SLC22A9: variants seen among roughly 807,000 people sequenced by gnomAD.
The protein encoded by SLC22A9 is solute carrier family 22 member 9, also known as organic anion transporter 7.
SLC22A9 carries 64 observed loss-of-function variants against 50.1 expected under a neutral mutation model. That is an observed-to-expected ratio of 1.28 (90% CI 1.04 to 1.57). The LOEUF (loss-of-function observed/expected upper bound fraction) is 1.57, where lower values mean the gene tolerates loss of function less well. SLC22A9 is among the 40% of genes most tolerant of loss of function. The probability of loss-of-function intolerance (pLI) is 0.00; values close to 1 mark genes in which losing one functional copy is unlikely to be tolerated. For synonymous variants in SLC22A9, 261 were observed against 242.5 expected (o/e 1.08, Z -0.71); for missense variants, 757 against 676.1 (o/e 1.12, Z -1.33).
At chr11:63,389,231 G>C (rs759871576) in intron 6 of SLC22A9, among the ~76,000 whole-genome samples, 10 of 151,636 alleles carry the variant, frequency 6.6e-5, no homozygotes, top group African/African-American at 9.7e-5. Context: ...TTGTTTCATA[G>C]GTATACATGT....
chr11:63,406,743 T>G, intron 7 of SLC22A9, 32 bp downstream of exon 7: 4 of 1,601,364 alleles, frequency 2.5e-6, no homozygotes, highest in Non-Finnish European at 3.4e-6. Flanking sequence ...AAGAGAGAAA[T>G]GCCTTTGCCT....
intron 6 of SLC22A9, among the ~76,000 whole-genome samples, chr11:63,389,417 C>T (rs951982016): frequency 4.0e-5 from 6 of 151,372 alleles, no homozygotes; most frequent in Admixed American, 1.3e-4. Context: ...CGCTTATGAG[C>T]GAGAACATGC....
chr11:63,371,267 T>C (rs564523), intron 2 of SLC22A9, 29 bp downstream of exon 2: 6 of 1,496,166 alleles, frequency 4.0e-6, no homozygotes, highest in Non-Finnish European at 4.6e-6. Flanking sequence ...CAGCTCTCTT[T>C]AAGGGCATTT....
chr11:63,388,281 C>G (rs1307023935), intron 6 of SLC22A9, among the ~76,000 whole-genome samples: 1 of 151,594 alleles, frequency 6.6e-6, no homozygotes, highest in Non-Finnish European at 1.5e-5. Context: ...TTTCTCCATT[C>G]TGTATGATAC....
Position 63,382,166 on chromosome 11 carries a change from A to G in SLC22A9, c.962A>G (p.Lys321Arg), listed in dbSNP as rs2014574641. The G allele has an allele frequency of 6.2e-7, 1 of 1,604,632 alleles. No homozygotes were observed. ...TTTCTGCTATTGTTGAAGATTTTGA[A>G]ATCCACCATGAAAAAAGAACTGGAG... is the stretch of plus-strand genomic sequence containing the variant. ...ARDTLTLEIL[K>R]STMKKELEAA... The change falls in exon 6 of 10, where the codon AAA becomes AGA. Residue 321 changes from lysine to arginine, a missense_variant. By Grantham distance (26) the Lys-to-Arg change is conservative. Transcript: ENST00000279178.
intron 6 of SLC22A9, among the ~76,000 whole-genome samples, chr11:63,394,653 A>T (rs1328727554): frequency 1.3e-5 from 2 of 152,132 alleles, no homozygotes; most frequent in East Asian, 3.9e-4. Context: ...CACAGCGCTT[A>T]AGCTTCTTTC....
chr11:63,374,092 T>C, intron 4 of SLC22A9, 30 bp downstream of exon 4: 1 of 1,576,386 alleles, frequency 6.3e-7, no homozygotes, highest in Non-Finnish European at 8.6e-7. Context: ...TTTGTCTTAA[T>C]GAGATATTGG....
chr11:63,407,829 G>A (rs1270654757), intron 7 of SLC22A9, among the ~76,000 whole-genome samples: 4 of 152,170 alleles, frequency 2.6e-5, no homozygotes, highest in Admixed American at 2.6e-4. Flanking sequence ...AAAACATTCA[G>A]CTCAACTTAC....
chr11:63,408,155 A>G lies in SLC22A9; in HGVS notation c.1332A>G (p.Gly444=). 1 of 1,613,750 alleles carries G rather than the reference A, an allele frequency of 6.2e-7. No homozygotes were observed. The highest frequency in any genetic ancestry group is 8.5e-7 in the Non-Finnish European group (1 of 1,179,798). Reference sequence around the variant, plus strand: ...AGGTTTTGGCAACACTGGGCTTAGGAGCGTCTGCTCTTGCCAATACCCTTG... The same window carrying G: ...AGGTTTTGGCAACACTGGGCTTAGGGGCGTCTGCTCTTGCCAATACCCTTG... ...LREVLATLGL[G]ASALANTLAF... is the part of the protein sequence containing the mutation. Residue 444 remains glycine (G), a synonymous_variant, in exon 8 of 10, where the codon GGA becomes GGG. Transcript: ENST00000279178.
At position 63,382,169 on chromosome 11, in the gene SLC22A9, C is replaced by G; in HGVS notation, c.965C>G (p.Ser322Cys). Reference protein sequence around the residue: ...RDTLTLEILKSTMKKELEAAQ... With the variant: ...RDTLTLEILKCTMKKELEAAQ... ...CTGCTATTGTTGAAGATTTTGAAAT[C>G]CACCATGAAAAAAGAACTGGAGGCA... is the stretch of plus-strand genomic sequence containing the variant. The change falls in exon 6 of 10, where the codon TCC (serine) becomes TGC (cysteine). Residue 322 changes from serine to cysteine, a missense_variant. Ser to Cys is a moderately radical substitution (Grantham distance 112, BLOSUM62 -1). Transcript: ENST00000279178. 1 of 1,604,400 alleles carries G rather than the reference C, an allele frequency of 6.2e-7. No individual in the cohort carries two copies. The highest frequency in any genetic ancestry group is 8.5e-7 in the Non-Finnish European group (1 of 1,177,008).
At chr11:63,377,570 AC>A (rs1291990376) in intron 5 of SLC22A9, among the ~76,000 whole-genome samples, 5 of 152,172 alleles carry the variant, frequency 3.3e-5, no homozygotes, top group Non-Finnish European at 5.9e-5. Context: ...TAAGAAGGAA[AC>A]TTATAGCACT....
chr11:63,372,260 A>G (rs939217073), intron 2 of SLC22A9, among the ~76,000 whole-genome samples: 1 of 152,166 alleles, frequency 6.6e-6, no homozygotes, highest in Non-Finnish European at 1.5e-5. Flanking sequence ...TATGCAGAGT[A>G]GGCTATGATC....
At chr11:63,383,701 A>C (rs499003) in intron 6 of SLC22A9, among the ~76,000 whole-genome samples, 93,127 of 151,992 alleles carry the variant, frequency 0.61, 28,707 homozygotes, top group Non-Finnish European at 0.64. Flanking sequence ...ATATGAATAA[A>C]GTGATAACAA....
chr11:63,382,016 T>C (rs538926391), intron 5 of SLC22A9, 143 bp from the exon 6 acceptor site: 4 of 620,146 alleles, frequency 6.5e-6, no homozygotes, highest in African/African-American at 1.8e-5. Context: ...TTTTTACACA[T>C]ATCATTGCAT....
chr11:63,372,337 A>G (rs949313241), intron 2 of SLC22A9, among the ~76,000 whole-genome samples: 1 of 152,110 alleles, frequency 6.6e-6, no homozygotes, highest in South Asian at 2.1e-4. Flanking sequence ...ATAATCTATA[A>G]TTTCATTAAT....
At chr11:63,385,812 C>G (rs2014654632) in intron 6 of SLC22A9, among the ~76,000 whole-genome samples, 1 of 152,086 alleles carries the variant, frequency 6.6e-6, no homozygotes, top group Non-Finnish European at 1.5e-5. Flanking sequence ...TCGCCCTGGC[C>G]AGAACTTCCA....
intron 6 of SLC22A9, among the ~76,000 whole-genome samples, chr11:63,390,524 C>T (rs1171927230): frequency 1.3e-5 from 2 of 152,030 alleles, no homozygotes; most frequent in Admixed American, 1.3e-4. Context: ...TGTTCTTTTC[C>T]ATTGGCCTAT....
chr11:63,394,322 T>C (rs1348577120), intron 6 of SLC22A9, among the ~76,000 whole-genome samples: 1 of 152,114 alleles, frequency 6.6e-6, no homozygotes, highest in Non-Finnish European at 1.5e-5. Context: ...TTATAGGTCC[T>C]GTGAGATTTA....
chr11:63,370,433 C>T lies in SLC22A9; in HGVS notation c.377C>T (p.Ser126Phe). ...GATGGCTGGGTGTATGACAGAATCT[C>T]CTTCTCATCCACCATCGTGACTGAG... is the stretch of plus-strand genomic sequence containing the variant. ...CVDGWVYDRI[S>F]FSSTIVTEWD... Residue 126 changes from serine (S) to phenylalanine (F), a missense_variant, in exon 1 of 10, where the codon TCC becomes TTC. Transcript: ENST00000279178. The T allele has an allele frequency of 6.3e-7, 1 of 1,597,574 alleles. No individual in the cohort carries two copies. Among genetic ancestry groups the T allele is most frequent in the South Asian group, 1.1e-5 (1 of 87,736 alleles).
Sources: gnomAD v4.1 joint callset for allele counts (sites outside exome capture counted in the v4.1 genomes callset) on GRCh38, gnomAD v4.1.1 for gene constraint, MANE v1.5 for transcripts, NCBI Gene and HGNC (gene_info 2026-07-23, HGNC 2026-07-21) for gene names.